The following DHRSX variants were observed in gnomAD, a reference collection of about 807,000 sequenced individuals.
The protein encoded by DHRSX is polyprenol dehydrogenase.
A neutral mutation model predicts 34.0 loss-of-function variants in DHRSX; 31 were observed. The ratio of observed to expected loss-of-function variants is 0.91; its 90% CI spans 0.69 to 1.23. DHRSX has a LOEUF of 1.23. DHRSX is among the 50% of genes most tolerant of loss of function. The pLI, the probability that DHRSX is intolerant of heterozygous loss-of-function variation, is 0.00. For missense variants in DHRSX, 414 were observed against 428.1 expected (o/e 0.97, Z 0.29); for synonymous variants, 201 against 183.8 (o/e 1.09, Z -0.76).
At chrX:2,325,928 G>A (rs2042380635) in intron 3 of DHRSX, among the ~76,000 whole-genome samples, 1 of 152,126 alleles carries the variant, frequency 6.6e-6, no homozygotes, top group African/African-American at 2.4e-5. Flanking sequence ...GATGCCCAAT[G>A]ACGAACCCCA....
chrX:2,248,628 AAAAAG>A (rs1556433591), intron 5 of DHRSX, among the ~76,000 whole-genome samples: 1 of 104,276 alleles, frequency 9.6e-6, no homozygotes, highest in African/African-American at 4.5e-5. Flanking sequence ...AAAAAAAAAG[AAAAAG>A]AAAAGAAAAG....
chrX:2,330,951 G>A (rs1342683118), intron 3 of DHRSX, among the ~76,000 whole-genome samples: 1 of 152,124 alleles, frequency 6.6e-6, no homozygotes, highest in Non-Finnish European at 1.5e-5. Context: ...GGAGGAGCAG[G>A]AAGACTTATC....
intron 3 of DHRSX, among the ~76,000 whole-genome samples, chrX:2,330,479 C>A (rs1188043374): frequency 6.8e-6 from 1 of 148,026 alleles, no homozygotes; most frequent in Non-Finnish European, 1.5e-5. Context: ...TGAGATCGCG[C>A]CACGGCACTC....
At chrX:2,358,916 TC>T (rs2042891688) in intron 3 of DHRSX, among the ~76,000 whole-genome samples, 1 of 139,588 alleles carries the variant, frequency 7.2e-6, no homozygotes, top group African/African-American at 2.7e-5. Flanking sequence ...GCCACCGCAC[TC>T]CAGCCTGGGC....
chrX:2,284,436 GTGAATGAAGAAC>G (rs1247589718), intron 4 of DHRSX, among the ~76,000 whole-genome samples: 2 of 150,838 alleles, frequency 1.3e-5, no homozygotes, highest in African/African-American at 2.4e-5. Context: ...GAATGAATGG[GTGAATGAAGAAC>G]TGTACCAAAA....
chrX:2,239,674 C>A (rs972208405), intron 6 of DHRSX, among the ~76,000 whole-genome samples: 9 of 152,126 alleles, frequency 5.9e-5, no homozygotes, highest in African/African-American at 1.9e-4. Flanking sequence ...GAGGCTGAGG[C>A]AGGAGAACGG....
chrX:2,276,736 AGAGAGAGAGAG>A (rs1268028583), intron 4 of DHRSX, among the ~76,000 whole-genome samples: 3 of 148,370 alleles, frequency 2.0e-5, no homozygotes, highest in African/African-American at 4.9e-5. Context: ...GGGCAATCAG[AGAGAGAGAGAG>A]GAGAGAGAGA....
At chrX:2,359,253 T>C (rs1179192062) in intron 3 of DHRSX, among the ~76,000 whole-genome samples, 1 of 152,198 alleles carries the variant, frequency 6.6e-6, no homozygotes, top group East Asian at 1.9e-4. Context: ...TGCCTGGGTA[T>C]ATACCCAAAG....
chrX:2,239,539 G>A (rs1344404190), intron 6 of DHRSX, among the ~76,000 whole-genome samples: 8 of 151,420 alleles, frequency 5.3e-5, no homozygotes, highest in South Asian at 4.2e-4. Flanking sequence ...GGTGGATCAC[G>A]AGGTCAGGAG....
intron 1 of DHRSX, among the ~76,000 whole-genome samples, chrX:2,449,485 T>C (rs2044187446): frequency 6.6e-6 from 1 of 152,096 alleles, no homozygotes; most frequent in Admixed American, 6.6e-5. Flanking sequence ...TGAAATTTCC[T>C]ATCTTTTTAA....
At chrX:2,355,637 C>G (rs2042841654) in intron 3 of DHRSX, among the ~76,000 whole-genome samples, 1 of 148,312 alleles carries the variant, frequency 6.7e-6, no homozygotes, top group South Asian at 2.2e-4. Flanking sequence ...ATTCAGAGCA[C>G]AAAAATATTA....
At chrX:2,399,747 A>C (rs1193152430) in intron 3 of DHRSX, among the ~76,000 whole-genome samples, 1 of 150,654 alleles carries the variant, frequency 6.6e-6, no homozygotes, top group Non-Finnish European at 1.5e-5. Context: ...AAAAAACAAA[A>C]AAACACAGGG....
intron 2 of DHRSX, among the ~76,000 whole-genome samples, chrX:2,410,730 T>A (rs1173087218): frequency 9.2e-5 from 14 of 152,140 alleles, no homozygotes; most frequent in Non-Finnish European, 1.9e-4. Context: ...TGAAAAAATA[T>A]ATAAAAGAGG....
chrX:2,430,076 A>AT (rs1382715922), intron 1 of DHRSX, among the ~76,000 whole-genome samples: 2 of 151,896 alleles, frequency 1.3e-5, no homozygotes, highest in Non-Finnish European at 1.5e-5. Context: ...TGCAAAACCT[A>AT]TATCAGGAAA....
At chrX:2,330,791 AGAAAGAGAGAAT>A (rs981644644) in intron 3 of DHRSX, among the ~76,000 whole-genome samples, 2 of 151,372 alleles carry the variant, frequency 1.3e-5, no homozygotes, top group Admixed American at 1.3e-4. Context: ...TAAGAGAATG[AGAAAGAGAGAAT>A]GAAGGAGAGA....
chrX:2,229,735 T>C (rs945492680), intron 6 of DHRSX, among the ~76,000 whole-genome samples: 3 of 151,920 alleles, frequency 2.0e-5, no homozygotes, highest in African/African-American at 7.3e-5. Context: ...ATGCATGTGT[T>C]TGGATAAATA....
intron 4 of DHRSX, among the ~76,000 whole-genome samples, chrX:2,272,880 C>T (rs1000736423): frequency 2.0e-5 from 3 of 152,186 alleles, no homozygotes; most frequent in East Asian, 1.9e-4. Context: ...GAAAACAGCA[C>T]GGATGTTCCT....
intron 1 of DHRSX, chrX:2,489,036 C>T: frequency 6.2e-7 from 1 of 1,613,706 alleles, no homozygotes. Flanking sequence ...TGCCACTCTT[C>T]CTGGTCCTCC....
intron 2 of DHRSX, among the ~76,000 whole-genome samples, chrX:2,423,664 C>T (rs2043808652): frequency 6.6e-6 from 1 of 152,086 alleles, no homozygotes; most frequent in Non-Finnish European, 1.5e-5. Flanking sequence ...TTTTTCCAAG[C>T]TCGTCTCCAC....
Sources: allele counts gnomAD v4.1 joint callset (sites outside exome capture counted in the v4.1 genomes callset), GRCh38; gene constraint gnomAD v4.1.1; transcripts MANE v1.5; gene names NCBI Gene and HGNC (gene_info 2026-07-23, HGNC 2026-07-21).